WNK1: variants seen among roughly 807,000 people sequenced by gnomAD.
The protein encoded by WNK1 is serine/threonine-protein kinase WNK1.
Under a neutral mutation model 222.8 loss-of-function variants are expected in WNK1, and 38 were observed. The observed-to-expected ratio is 0.17, with a 90% CI of 0.13 to 0.22. WNK1 has a LOEUF of 0.22. WNK1 is among the 10% of genes least tolerant of loss of function. The pLI is 1.00. For synonymous variants in WNK1, 1,090 were observed against 1,092.9 expected (o/e 1.00, Z 0.05); for missense variants, 2,348 against 2,918.4 (o/e 0.80, Z 4.50).
At chr12:829,905 T>G in intron 3 of WNK1, 98 bp from the exon 4 acceptor site, 1 of 1,316,118 alleles carries the variant, frequency 7.6e-7, no homozygotes, top group Non-Finnish European at 1.1e-6. Context: ...CATTCCAATT[T>G]CTTCTCTCTC....
chr12:870,198 T>G (rs956954265), intron 8 of WNK1, among the ~76,000 whole-genome samples: 1 of 152,226 alleles, frequency 6.6e-6, no homozygotes, highest in Non-Finnish European at 1.5e-5. Context: ...ATCAATTATT[T>G]AGTGCTGTAC....
chr12:863,201 C>A (rs1373139086), intron 8 of WNK1, among the ~76,000 whole-genome samples: 1 of 152,108 alleles, frequency 6.6e-6, no homozygotes, highest in African/African-American at 2.4e-5. Context: ...AATTCTTGCT[C>A]TTCTTTAAAT....
At chr12:877,438 C>G (rs902685057) in intron 9 of WNK1, among the ~76,000 whole-genome samples, 3 of 152,060 alleles carry the variant, frequency 2.0e-5, no homozygotes, top group Non-Finnish European at 4.4e-5. Flanking sequence ...GTTTTGTTTG[C>G]TTGATTTATT....
intron 26 of WNK1, chr12:904,546 A>G: frequency 8.0e-7 from 1 of 1,247,812 alleles, no homozygotes; most frequent in Non-Finnish European, 1.1e-6. Context: ...CCTGTTAACC[A>G]TGAGTTCTTT....
At chr12:809,223 AG>A (rs1394560357) in intron 1 of WNK1, among the ~76,000 whole-genome samples, 28 of 110,256 alleles carry the variant, frequency 2.5e-4, no homozygotes, top group Non-Finnish European at 5.6e-5. Context: ...TATTCTTTTG[AG>A]GAAAAAAAAA....
chr12:895,264 T>G (rs1459348648), intron 23 of WNK1, among the ~76,000 whole-genome samples: 1 of 152,176 alleles, frequency 6.6e-6, no homozygotes, highest in Non-Finnish European at 1.5e-5. Flanking sequence ...TTTGTATTTG[T>G]AAATACATGG....
chr12:908,050 G>T lies in WNK1; in HGVS notation c.6831+16G>T. The T allele has an allele frequency of 6.2e-7, 1 of 1,613,710 alleles. No individual in the cohort carries two copies. Among genetic ancestry groups the T allele is most frequent in the Non-Finnish European group, 8.5e-7 (1 of 1,179,892 alleles). On this transcript the variant is annotated intron_variant, in intron 27 of 27. Coordinates refer to ENST00000315939, the MANE Select transcript of WNK1 (RefSeq NM_018979.4). ...GAATTACGAGGTAAGTCTCTCTTTT[G>T]CCGCAGAGAATCCGTAACACACATC...
chr12:857,548 A>C (rs910848014), intron 5 of WNK1, among the ~76,000 whole-genome samples: 2 of 152,236 alleles, frequency 1.3e-5, no homozygotes, highest in African/African-American at 4.8e-5. Context: ...CTCAAAAAAG[A>C]GTTTAATATC....
At chr12:757,339 A>T (rs1940236598) in intron 1 of WNK1, among the ~76,000 whole-genome samples, 1 of 121,142 alleles carries the variant, frequency 8.3e-6, no homozygotes, top group African/African-American at 2.9e-5. Context: ...TTTTTAAAAA[A>T]AAAAAGAGAC....
At chr12:777,471 T>C (rs1943245762) in intron 1 of WNK1, among the ~76,000 whole-genome samples, 1 of 152,178 alleles carries the variant, frequency 6.6e-6, no homozygotes, top group African/African-American at 2.4e-5. Flanking sequence ...AATTTTTAAG[T>C]AGCTAAAGAA....
intron 1 of WNK1, among the ~76,000 whole-genome samples, chr12:778,173 C>A (rs1943311308): frequency 6.6e-6 from 1 of 152,052 alleles, no homozygotes; most frequent in African/African-American, 2.4e-5. Flanking sequence ...CTGTGGGAAA[C>A]CAGAAGAAGG....
intron 1 of WNK1, among the ~76,000 whole-genome samples, chr12:800,053 A>T (rs917180916): frequency 6.6e-6 from 1 of 152,128 alleles, no homozygotes; most frequent in African/African-American, 2.4e-5. Flanking sequence ...CTGAGACGGT[A>T]GGATTGCTTG....
chr12:787,682 T>C, intron 1 of WNK1, among the ~76,000 whole-genome samples: 1 of 152,176 alleles, frequency 6.6e-6, no homozygotes, highest in East Asian at 1.9e-4. Flanking sequence ...CACACTTTAA[T>C]GTATGTAGGC....
rs35003296 is a variant in WNK1, at chr12:879,446, GT to G, written c.2374-116del. Reference sequence around the variant, plus strand: ...GTATGCAGGGTTTTGTTGGTTTGGTGTTTTTTTTTTTGTTTGTTTTTTCCTT... The same window carrying G: ...GTATGCAGGGTTTTGTTGGTTTGGTGTTTTTTTTTTGTTTGTTTTTTCCTT... On this transcript the variant is annotated intron_variant, in intron 10 of 27. Transcript: ENST00000315939. The G allele has an allele frequency of 0.019, 9,574 of 517,290 alleles. 94 individuals are homozygous for G. The highest frequency in any genetic ancestry group is 0.11 in the African/African-American group (2,994 of 27,840). 32.0% of individuals were successfully genotyped at this position (517,290 alleles called of 1,614,324 possible).
At chr12:772,440 T>A (rs1258392570) in intron 1 of WNK1, among the ~76,000 whole-genome samples, 1 of 152,140 alleles carries the variant, frequency 6.6e-6, no homozygotes, top group Admixed American at 6.5e-5. Flanking sequence ...TGTGTGTGTG[T>A]GTATGTATAG....
intron 9 of WNK1, among the ~76,000 whole-genome samples, chr12:877,497 T>C (rs548634283): frequency 6.6e-6 from 1 of 152,324 alleles, no homozygotes; most frequent in African/African-American, 2.4e-5. Context: ...TTAAATTAGG[T>C]GTATAATTAC....
intron 4 of WNK1, among the ~76,000 whole-genome samples, chr12:838,724 T>C (rs776846354): frequency 6.6e-5 from 10 of 152,166 alleles, no homozygotes; most frequent in Non-Finnish European, 1.0e-4. Context: ...CTGTGTCTTC[T>C]GTTCTTAAAA....
At chr12:864,761 A>G (rs1194828591) in intron 8 of WNK1, among the ~76,000 whole-genome samples, 1 of 152,230 alleles carries the variant, frequency 6.6e-6, no homozygotes, top group Non-Finnish European at 1.5e-5. Flanking sequence ...TTGCAAGCTA[A>G]TATTCATTGT....
At chr12:879,497 G>T (rs1249444208) in intron 10 of WNK1, 76 bp from the exon 11 acceptor site, 1,995 of 756,854 alleles carry the variant, frequency 2.6e-3, no homozygotes, top group South Asian at 6.1e-3. Flanking sequence ...CATAAATCTT[G>T]CTTTTGGCAG....
Sources: allele counts gnomAD v4.1 joint callset (sites outside exome capture counted in the v4.1 genomes callset), GRCh38; gene constraint gnomAD v4.1.1; transcripts MANE v1.5; gene names NCBI Gene and HGNC (gene_info 2026-07-23, HGNC 2026-07-21).